VSTM2L: variants seen among roughly 807,000 people sequenced by gnomAD.
VSTM2L encodes V-set and transmembrane domain containing 2 like.
VSTM2L carries 9 observed loss-of-function variants against 19.9 expected under a neutral mutation model. That is an observed-to-expected ratio of 0.45 (90% CI 0.27 to 0.79). The LOEUF is 0.79. Among genes scored for constraint, VSTM2L ranks in the 30% least tolerant of loss-of-function variants. The pLI, the probability that VSTM2L is intolerant of heterozygous loss-of-function variation, is 0.15. For synonymous variants in VSTM2L, 127 were observed against 133.8 expected (o/e 0.95, Z 0.35); for missense variants, 286 against 295.5 (o/e 0.97, Z 0.24).
intron 1 of VSTM2L, among the ~76,000 whole-genome samples, chr20:37,920,971 T>C (rs1187500747): frequency 3.9e-5 from 6 of 152,224 alleles, no homozygotes; most frequent in Non-Finnish European, 8.8e-5. Context: ...AGCCACCTCC[T>C]GTGTGCCTGA....
At chr20:37,922,832 C>T (rs1445020183) in intron 1 of VSTM2L, among the ~76,000 whole-genome samples, 5 of 152,048 alleles carry the variant, frequency 3.3e-5, no homozygotes, top group African/African-American at 9.7e-5. Context: ...CTCCCAGGAG[C>T]CATGGGAGCA....
At chr20:37,923,661 G>C (rs890244978) in intron 1 of VSTM2L, among the ~76,000 whole-genome samples, 3 of 152,208 alleles carry the variant, frequency 2.0e-5, no homozygotes, top group Non-Finnish European at 4.4e-5. Flanking sequence ...GGCCGGGTAA[G>C]TCAAAGAGGA....
intron 1 of VSTM2L, among the ~76,000 whole-genome samples, chr20:37,916,764 G>A (rs1568836168): frequency 6.6e-6 from 1 of 152,242 alleles, no homozygotes; most frequent in Non-Finnish European, 1.5e-5. Context: ...AATTACTGAT[G>A]TGTGCGACAA....
chr20:37,908,708 C>A lies in VSTM2L; in HGVS notation c.121+5237C>A, dbSNP rs6096818. On this transcript the variant is annotated intron_variant, in intron 1 of 3. Coordinates refer to ENST00000373461, the MANE Select transcript of VSTM2L (RefSeq NM_080607.3). ...GTCCCAGCTACTCAGTAGGCTGAGGCGGGAGGATCACGTGAGCCCAGGAGA... is the reference window on the plus strand; with the variant it reads ...GTCCCAGCTACTCAGTAGGCTGAGGAGGGAGGATCACGTGAGCCCAGGAGA... Among the ~76,000 whole-genome samples, 645 of 152,064 alleles carry A rather than the reference C, an allele frequency of 4.2e-3. 4 individuals are homozygous for A. Among genetic ancestry groups the A allele is most frequent in the African/African-American group, 0.014 (598 of 41,476 alleles).
chr20:37,918,939 T>C (rs1368797155), intron 1 of VSTM2L, among the ~76,000 whole-genome samples: 1 of 152,232 alleles, frequency 6.6e-6, no homozygotes, highest in Non-Finnish European at 1.5e-5. Flanking sequence ...CTATGATTCA[T>C]GGCCATATGA....
rs532819005 is a variant in VSTM2L at position 37,944,196 on chromosome 20, C to A, written c.558C>A (p.Pro186=). 6.5e-7 allele frequency: 1 copy of A among 1,539,714 alleles called. No individual in the cohort carries two copies. ...APPAAPAPPP[P]KPGKELRKRS... is the part of the protein sequence containing the mutation. ...CCGCCGCGCCCGCCCCGCCGCCCCC[C>A]AAGCCAGGCAAGGAGCTGAGGAAGC... Residue 186 remains proline (P), a synonymous_variant, in exon 4 of 4, where the codon CCC becomes CCA. Transcript: ENST00000373461.
intron 1 of VSTM2L, among the ~76,000 whole-genome samples, chr20:37,920,913 G>C (rs113957371): frequency 3.1e-4 from 44 of 143,946 alleles, no homozygotes; most frequent in African/African-American, 8.3e-4. Flanking sequence ...TTGATTGATT[G>C]ATTGATTCAT....
chr20:37,917,246 C>T (rs1326868251), intron 1 of VSTM2L, among the ~76,000 whole-genome samples: 5 of 151,722 alleles, frequency 3.3e-5, no homozygotes, highest in Admixed American at 1.3e-4. Context: ...ACCTGGGAGG[C>T]GGAGGTTGCA....
At chr20:37,937,176 G>A (rs571316428) in intron 3 of VSTM2L, among the ~76,000 whole-genome samples, 2 of 152,170 alleles carry the variant, frequency 1.3e-5, no homozygotes, top group East Asian at 3.9e-4. Context: ...AGCCGAGATC[G>A]CACCACTGCT....
rs1385467937 is a variant in VSTM2L at position 37,911,201 on chromosome 20, C to T, written c.121+7730C>T. ...CAGAGAATTGCTTGAATCCAGGAGGCGGAGATAGCAGTGAGCCTAGTGAGA... is the reference window on the plus strand; with the variant it reads ...CAGAGAATTGCTTGAATCCAGGAGGTGGAGATAGCAGTGAGCCTAGTGAGA... On this transcript the variant is annotated intron_variant, in intron 1 of 3. Transcript: ENST00000373461. Among the ~76,000 whole-genome samples the T allele has an allele frequency of 4.2e-5, 5 of 118,986 alleles. No individual in the cohort carries two copies. The South Asian group carries it at 8.7e-4, about 21-fold the overall frequency. 78.1% of individuals were successfully genotyped at this position (118,986 alleles called of 152,430 possible). A position where few individuals can be genotyped will look rare whatever the true frequency, so the allele number is the denominator to read the frequency against.
chr20:37,905,968 C>T (rs1273106994), intron 1 of VSTM2L, among the ~76,000 whole-genome samples: 2 of 149,836 alleles, frequency 1.3e-5, no homozygotes, highest in Non-Finnish European at 2.9e-5. Context: ...GGGGCCTGAT[C>T]ATTTCATTAT....
intron 1 of VSTM2L, among the ~76,000 whole-genome samples, chr20:37,918,970 CTG>C (rs2122952027): frequency 6.6e-6 from 1 of 152,330 alleles, no homozygotes; most frequent in African/African-American, 2.4e-5. Flanking sequence ...TTCTGAACAA[CTG>C]TACATGGCAG....
intron 1 of VSTM2L, among the ~76,000 whole-genome samples, chr20:37,915,937 C>T (rs1244660136): frequency 1.3e-5 from 2 of 152,206 alleles, no homozygotes; most frequent in Non-Finnish European, 2.9e-5. Context: ...GTCCCTGGCC[C>T]TCCTGCCTCC....
chr20:37,933,867 C>T (rs2072924728), intron 3 of VSTM2L, among the ~76,000 whole-genome samples: 1 of 152,168 alleles, frequency 6.6e-6, no homozygotes, highest in Non-Finnish European at 1.5e-5. Context: ...CTTGTCTCAG[C>T]AGCATTTTTT....
intron 1 of VSTM2L, among the ~76,000 whole-genome samples, chr20:37,928,240 G>A (rs1393467313): frequency 4.6e-5 from 7 of 152,302 alleles, no homozygotes; most frequent in Middle Eastern, 6.8e-3. Flanking sequence ...GGCAGAATCC[G>A]CCATCCTGGG....
intron 3 of VSTM2L, among the ~76,000 whole-genome samples, chr20:37,941,294 A>T (rs1157350219): frequency 6.6e-6 from 1 of 152,184 alleles, no homozygotes; most frequent in Non-Finnish European, 1.5e-5. Flanking sequence ...GGGAGTGGGG[A>T]CAGGGGGTCA....
At position 37,903,562 on chromosome 20, in the gene VSTM2L, G is replaced by C. The variant is rs2072733978; in HGVS notation, c.121+91G>C. Reference sequence around the variant, plus strand: ...CTTGGCCGCCCCGGGGCTCGAACCGGCGCCAGTCGTGGCGGGCATCCCGGG... The same window carrying C: ...CTTGGCCGCCCCGGGGCTCGAACCGCCGCCAGTCGTGGCGGGCATCCCGGG... On this transcript the variant is annotated intron_variant, in intron 1 of 3. Transcript: ENST00000373461. 5.3e-6 allele frequency: 7 copies of C among 1,317,056 alleles called. No homozygotes were observed. In the South Asian group the frequency reaches 1.4e-4, roughly 27 times the overall value. The allele number at this position is 1,317,056 out of a possible 1,614,324, so 81.6% of individuals were successfully genotyped here.
chr20:37,938,952 A>G (rs1046697797), intron 3 of VSTM2L, among the ~76,000 whole-genome samples: 2 of 152,114 alleles, frequency 1.3e-5, no homozygotes, highest in Admixed American at 6.6e-5. Context: ...GAAAGACATG[A>G]GAAGACCGAT....
In VSTM2L at chr20:37,903,587, G is replaced by A. The variant is rs772490466; in HGVS notation, c.121+116G>A. 2.0e-3 allele frequency: 2,653 copies of A among 1,300,706 alleles called. 6 individuals carry two copies. Among genetic ancestry groups the A allele is most frequent in the Middle Eastern group, 0.011 (38 of 3,474 alleles). The allele number at this position is 1,300,706 out of a possible 1,614,324, so 80.6% of individuals were successfully genotyped here. On this transcript the variant is annotated intron_variant, in intron 1 of 3. Transcript: ENST00000373461. ...GCGCCAGTCGTGGCGGGCATCCCGG[G>A]GCGCCCCCTGCCGGCGCGGTGGACC...
Sources: allele counts gnomAD v4.1 joint callset (sites outside exome capture counted in the v4.1 genomes callset), GRCh38; gene constraint gnomAD v4.1.1; transcripts MANE v1.5; gene names NCBI Gene and HGNC (gene_info 2026-07-23, HGNC 2026-07-21).